PLA2G4C: variants seen among roughly 807,000 people sequenced by gnomAD.
The protein encoded by PLA2G4C is cytosolic phospholipase A2 gamma.
Under a neutral mutation model 73.8 loss-of-function variants are expected in PLA2G4C, and 64 were observed. That is an observed-to-expected ratio of 0.87 (90% confidence interval 0.71 to 1.07). The LOEUF (loss-of-function observed/expected upper bound fraction) is 1.07. Among genes scored for constraint, PLA2G4C ranks in the 50% least tolerant of loss-of-function variants. The pLI is 0.00. For missense variants in PLA2G4C, 622 were observed against 665.4 expected, an observed-to-expected ratio of 0.93 and a Z score of 0.72; for synonymous variants, 254 against 252.1, an observed-to-expected ratio of 1.01 and a Z score of -0.07.
intron 7 of PLA2G4C, among the ~76,000 whole-genome samples, chr19:48,091,591 T>TA: frequency 6.6e-6 from 1 of 151,920 alleles, no homozygotes; most frequent in Non-Finnish European, 1.5e-5. Context: ...CAGGGAGACA[T>TA]AAAAAATGAA....
At chr19:48,062,384 T>C (rs3786774) in intron 13 of PLA2G4C, 343,519 of 369,374 alleles carry the variant, frequency 0.93, 159,802 homozygotes, top group Admixed American at 0.96. Flanking sequence ...CTGAGGCAGG[T>C]GGATCACTTG....
At chr19:48,074,488 G>T in intron 12 of PLA2G4C, 2 of 448,758 alleles carry the variant, frequency 4.5e-6, no homozygotes, top group Non-Finnish European at 4.1e-6. Flanking sequence ...ACATTCCTTT[G>T]GGCATATACC....
chr19:48,105,932 TCCCTCCCTCCCTCCC>T (rs1568457546), intron 2 of PLA2G4C, among the ~76,000 whole-genome samples: 9 of 30,660 alleles, frequency 2.9e-4, no homozygotes, highest in African/African-American at 4.5e-4. Context: ...CCTCCCTCCC[TCCCTCCCTCCCTCCC>T]TTCTTTCTTT....
At chr19:48,074,660 G>T (rs1348826476) in intron 12 of PLA2G4C, 107 bp downstream of exon 12, 4 of 769,100 alleles carry the variant, frequency 5.2e-6, no homozygotes, top group African/African-American at 3.4e-5. Context: ...TGGGACATCT[G>T]GTCATGTCCC....
At chr19:48,076,980 T>C (rs982308917) in intron 11 of PLA2G4C, among the ~76,000 whole-genome samples, 5 of 152,220 alleles carry the variant, frequency 3.3e-5, no homozygotes, top group African/African-American at 1.2e-4. Context: ...AACTTCTCCA[T>C]ACAGAATTCA....
intron 7 of PLA2G4C, among the ~76,000 whole-genome samples, chr19:48,090,858 G>A (rs1401205698): frequency 2.6e-5 from 4 of 152,152 alleles, no homozygotes; most frequent in Non-Finnish European, 5.9e-5. Context: ...AGAAGGAGCA[G>A]GCCAGGTATG....
In PLA2G4C at chr19:48,061,990, T is replaced by C. The variant is rs1384226046; in HGVS notation, c.1257+8A>G. On this transcript the variant is annotated splice_region_variant and intron_variant, in intron 14 of 16. Transcript: ENST00000599921. ...CCCAGGACCGGCCCCAAAGCCCTTCTCGATTACCTCGAAAGGATCTCCGGC... is the reference window on the plus strand; with the variant it reads ...CCCAGGACCGGCCCCAAAGCCCTTCCCGATTACCTCGAAAGGATCTCCGGC... 3.1e-6 allele frequency: 5 copies of C among 1,613,284 alleles called. No homozygotes were observed. Among genetic ancestry groups the C allele is most frequent in the Non-Finnish European group, 3.4e-6 (4 of 1,179,780 alleles).
At chr19:48,049,838 A>G (rs1967654970) in intron 16 of PLA2G4C, among the ~76,000 whole-genome samples, 1 of 152,152 alleles carries the variant, frequency 6.6e-6, no homozygotes. Flanking sequence ...CTCAGGAGAA[A>G]CCACCCCTGT....
chr19:48,091,948 C>A (rs2031328269), intron 7 of PLA2G4C, among the ~76,000 whole-genome samples: 1 of 150,126 alleles, frequency 6.7e-6, no homozygotes, highest in East Asian at 2.0e-4. Flanking sequence ...CCAAAAAACC[C>A]CAGAAAACAA....
intron 4 of PLA2G4C, 129 bp from the exon 5 acceptor site, chr19:48,099,989 C>T (rs779739787): frequency 2.5e-4 from 140 of 564,728 alleles, no homozygotes; most frequent in Non-Finnish European, 3.5e-4. Context: ...ACAGAGGAAA[C>T]GGAAAATTTC....
chr19:48,066,667 A>G (rs1335133284), intron 13 of PLA2G4C, among the ~76,000 whole-genome samples: 3 of 152,030 alleles, frequency 2.0e-5, no homozygotes. Context: ...GTCTTGTAAC[A>G]AAAGAGTGGG....
intron 11 of PLA2G4C, among the ~76,000 whole-genome samples, chr19:48,075,822 C>T (rs1242180773): frequency 6.6e-6 from 1 of 151,840 alleles, no homozygotes; most frequent in Non-Finnish European, 1.5e-5. Context: ...GTCGCTCTGT[C>T]ACCAGGCTGG....
At chr19:48,101,970 G>C (rs111878616) in intron 4 of PLA2G4C, among the ~76,000 whole-genome samples, 1 of 151,704 alleles carries the variant, frequency 6.6e-6, no homozygotes, top group Non-Finnish European at 1.5e-5. Context: ...CCACTGCCCC[G>C]GGCCTCCTTT....
intron 10 of PLA2G4C, among the ~76,000 whole-genome samples, chr19:48,079,570 A>C (rs973814973): frequency 1.3e-5 from 2 of 152,242 alleles, no homozygotes; most frequent in Non-Finnish European, 2.9e-5. Flanking sequence ...TAAGACCAGA[A>C]ACCATAAAAA....
chr19:48,088,724 T>C lies in PLA2G4C; in HGVS notation c.764-12A>G, dbSNP rs140789936. The C allele has an allele frequency of 2.5e-4, 405 of 1,593,744 alleles. 3 individuals are homozygous for C. In the East Asian group the frequency reaches 7.8e-3, roughly 31 times the overall value. ...ATTCCTTAACTGGTCTGCAAAAGAG[T>C]AGAAGCAGGAGGAATGTTTATCTGT... On this transcript the variant is annotated splice_polypyrimidine_tract_variant and intron_variant, in intron 8 of 16. Transcript: ENST00000599921.
intron 6 of PLA2G4C, among the ~76,000 whole-genome samples, chr19:48,096,176 G>T (rs115612712): frequency 6.6e-6 from 1 of 152,024 alleles, no homozygotes; most frequent in Admixed American, 6.6e-5. Flanking sequence ...ATGAGGAGGG[G>T]GTGATTTCTA....
chr19:48,102,582 A>G (rs560848951), intron 4 of PLA2G4C, among the ~76,000 whole-genome samples: 58 of 152,338 alleles, frequency 3.8e-4, no homozygotes, highest in African/African-American at 1.3e-3. Flanking sequence ...TTGATAGCTC[A>G]GGTTGGGACG....
At chr19:48,070,052 G>A (rs572436335) in intron 12 of PLA2G4C, among the ~76,000 whole-genome samples, 10 of 152,084 alleles carry the variant, frequency 6.6e-5, no homozygotes, top group Middle Eastern at 3.4e-3. Context: ...TTACAAACAT[G>A]AGCCACTGCA....
intron 15 of PLA2G4C, among the ~76,000 whole-genome samples, 169 bp downstream of exon 15, chr19:48,054,709 G>A (rs560433260): frequency 2.0e-5 from 3 of 152,082 alleles, no homozygotes; most frequent in Non-Finnish European, 4.4e-5. Context: ...CTTGGCCTTC[G>A]CTTTCCACCA....
Sources: allele counts gnomAD v4.1 joint callset (sites outside exome capture counted in the v4.1 genomes callset), GRCh38; gene constraint gnomAD v4.1.1; transcripts MANE v1.5; gene names NCBI Gene and HGNC (gene_info 2026-07-23, HGNC 2026-07-21).